Variants in CASR observed in about 807,000 individuals in gnomAD.
CASR encodes the protein extracellular calcium-sensing receptor.
CASR carries 23 observed loss-of-function variants against 69.1 expected under a neutral mutation model. That is an observed-to-expected ratio of 0.33 (90% CI 0.24 to 0.47). CASR has a LOEUF of 0.47. Ranked by LOEUF, CASR falls within the 20% of genes least tolerant of loss-of-function variation. The pLI is 1.00. For synonymous variants in CASR, 541 were observed against 544.7 expected (o/e 0.99, Z 0.10); for missense variants, 924 against 1,356.1 (o/e 0.68, Z 5.00).
intron 1 of CASR, among the ~76,000 whole-genome samples, chr3:122,228,885 C>A (rs547641436): frequency 6.6e-6 from 1 of 152,188 alleles, no homozygotes; most frequent in Non-Finnish European, 1.5e-5. Context: ...GACACCTGAC[C>A]CTCTCCTTTG....
At chr3:122,224,776 T>C (rs2074206565) in intron 1 of CASR, among the ~76,000 whole-genome samples, 1 of 152,094 alleles carries the variant, frequency 6.6e-6, no homozygotes, top group Non-Finnish European at 1.5e-5. Flanking sequence ...GGCATCACAC[T>C]CCCTGACTTC....
rs1386553525 is a variant in CASR, at chr3:122,262,181, C to G, written c.1146C>G (p.Asp382Glu). ...TGAGAGGTCACGAAGAAAGTGGCGA[C>G]AGGTTTAGCAACAGCTCGACAGCCT... ...TFLRGHEESG[D>E]RFSNSSTAFR... Residue 382 changes from aspartate to glutamate, a missense_variant, in exon 4 of 7, where the codon GAC becomes GAG. This residue lies in a region of CASR where 310 missense variants were observed against 395.7 expected (regional missense o/e 0.78). Transcript: ENST00000639785. 6 of 1,614,090 alleles carry G rather than the reference C, an allele frequency of 3.7e-6. No individual in the cohort carries two copies. Among genetic ancestry groups the G allele is most frequent in the African/African-American group, 2.7e-5 (2 of 74,924 alleles).
chr3:122,190,662 A>G (rs1440448081), intron 1 of CASR, among the ~76,000 whole-genome samples: 1 of 152,252 alleles, frequency 6.6e-6, no homozygotes, highest in Non-Finnish European at 1.5e-5. Flanking sequence ...AGAATCCATC[A>G]TAGTGCCTGG....
chr3:122,194,815 A>G (rs1215984016), intron 1 of CASR, among the ~76,000 whole-genome samples: 1 of 152,272 alleles, frequency 6.6e-6, no homozygotes, highest in East Asian at 1.9e-4. Context: ...AGTATATGCC[A>G]AGAGTCCTTG....
At chr3:122,189,259 G>T (rs776507611) in intron 1 of CASR, among the ~76,000 whole-genome samples, 38 of 152,194 alleles carry the variant, frequency 2.5e-4, no homozygotes, top group Non-Finnish European at 4.9e-4. Flanking sequence ...ACCTTCCTTT[G>T]AGATCTGTGA....
rs2074932631 is a variant in CASR, at chr3:122,284,112, G to A, written c.2158G>A (p.Gly720Arg). The A allele has an allele frequency of 1.2e-6, 2 of 1,614,070 alleles. No individual in the cohort carries two copies. Among genetic ancestry groups the A allele is most frequent in the East Asian group, 2.2e-5 (1 of 44,876 alleles). The change falls in exon 7 of 7, where the codon GGG (glycine) becomes AGG (arginine). Residue 720 changes from glycine to arginine, a missense_variant. Physicochemically the swap from Gly to Arg is moderately radical, Grantham distance 125. Transcript: ENST00000639785. ...CACCAGCTTCCACCGCAAGTGGTGG[G>A]GGCTCAACCTGCAGTTCCTGCTGGT... ...IPTSFHRKWW[G>R]LNLQFLLVFL... is the part of the protein sequence containing the mutation.
intron 6 of CASR, 90 bp downstream of exon 6, chr3:122,282,326 T>C: frequency 7.7e-7 from 1 of 1,295,978 alleles, no homozygotes; most frequent in Non-Finnish European, 1.1e-6. Context: ...TGGGCTGAGA[T>C]GGTGCTTTGC....
chr3:122,235,825 T>C (rs2074324751), intron 1 of CASR, among the ~76,000 whole-genome samples: 1 of 152,208 alleles, frequency 6.6e-6, no homozygotes, highest in Non-Finnish European at 1.5e-5. Context: ...TAAAATTACA[T>C]TTAAACAATC....
chr3:122,200,469 G>C (rs911026615), intron 1 of CASR, among the ~76,000 whole-genome samples: 15 of 151,988 alleles, frequency 9.9e-5, no homozygotes, highest in African/African-American at 3.6e-4. Flanking sequence ...GCATTGTTTT[G>C]AGTTTTGTAC....
chr3:122,209,867 C>T (rs1412651594), intron 1 of CASR, among the ~76,000 whole-genome samples: 3 of 152,178 alleles, frequency 2.0e-5, no homozygotes, highest in African/African-American at 7.2e-5. Context: ...AAGCCAGCAG[C>T]ACATCAAAAA....
At position 122,228,836 on chromosome 3, in the gene CASR, A is replaced by G. The variant is rs187527089; in HGVS notation, c.-242-25112A>G. 3.7e-3 allele frequency among the ~76,000 whole-genome samples: 559 copies of G among 152,278 alleles called. 9 individuals are homozygous for G. The highest frequency in any genetic ancestry group is 3.2e-3 in the Non-Finnish European group (218 of 68,024). On this transcript the variant is annotated intron_variant, in intron 1 of 6. Coordinates refer to ENST00000639785, the MANE Select transcript of CASR (RefSeq NM_000388.4). ...AAGGGCCCAGAACCACCGCTGTGCC[A>G]CTACCCCTGAGACTCCACCATCCTC...
chr3:122,252,445 GAAAAA>G lies in CASR; in HGVS notation c.-242-1499_-242-1495del, dbSNP rs373304569. Among the ~76,000 whole-genome samples the G allele has an allele frequency of 1.1e-3, 74 of 67,754 alleles. No homozygotes were observed. In the Middle Eastern group the frequency reaches 0.026, roughly 24 times the overall value. The allele number at this position is 67,754 out of a possible 152,430, so 44.4% of individuals were successfully genotyped here. A position where few individuals can be genotyped will look rare whatever the true frequency, so the allele number is the denominator to read the frequency against. ...AGAAAGAAAGAAAGAAAGAAAGAAA[GAAAAA>G]AAAGAAAAGAAAGAAAAGAAAAGAA... On this transcript the variant is annotated intron_variant, in intron 1 of 6. Coordinates refer to ENST00000639785, the MANE Select transcript of CASR (RefSeq NM_000388.4).
intron 1 of CASR, among the ~76,000 whole-genome samples, chr3:122,210,517 A>G (rs1365124556): frequency 6.6e-6 from 1 of 152,188 alleles, no homozygotes; most frequent in Non-Finnish European, 1.5e-5. Flanking sequence ...AATACCTAGG[A>G]ATATAGCTAA....
chr3:122,218,083 T>G (rs1167573247), intron 1 of CASR, among the ~76,000 whole-genome samples: 1 of 151,916 alleles, frequency 6.6e-6, no homozygotes, highest in Admixed American at 6.6e-5. Context: ...TGAACAGGTT[T>G]CTGTATTCAA....
At chr3:122,255,164 C>T (rs1035537150) in intron 2 of CASR, among the ~76,000 whole-genome samples, 6 of 152,158 alleles carry the variant, frequency 3.9e-5, no homozygotes, top group Non-Finnish European at 7.3e-5. Flanking sequence ...TAATTTACTG[C>T]GACCCTTTTA....
chr3:122,285,032 C>T lies in CASR; in HGVS notation c.3078C>T (p.Thr1026=). The part of the protein sequence containing the change: ...LQCGETDLDL[T]VQETGLQGPV... ...GCGGGGAAACGGACTTAGATCTGAC[C>T]GTCCAGGAAACAGGTCTGCAAGGAC... is the stretch of plus-strand genomic sequence containing the variant. The change falls in exon 7 of 7, where the codon ACC becomes ACT. Residue 1026 remains threonine (T), a synonymous_variant. Transcript: ENST00000639785. 1 of 1,614,192 alleles carries T rather than the reference C, an allele frequency of 6.2e-7. No individual in the cohort carries two copies. The highest frequency in any genetic ancestry group is 8.5e-7 in the Non-Finnish European group (1 of 1,180,040).
chr3:122,202,733 TAAG>T (rs1387426096), intron 1 of CASR, among the ~76,000 whole-genome samples: 1 of 152,244 alleles, frequency 6.6e-6, no homozygotes, highest in African/African-American at 2.4e-5. Flanking sequence ...AAACCTTTCT[TAAG>T]AATAGTTATA....
intron 1 of CASR, among the ~76,000 whole-genome samples, chr3:122,194,162 T>C (rs1045969614): frequency 6.6e-6 from 1 of 152,162 alleles, no homozygotes; most frequent in Non-Finnish European, 1.5e-5. Context: ...TGGAACCCCC[T>C]ATCTCCTTAT....
intron 4 of CASR, among the ~76,000 whole-genome samples, chr3:122,264,441 A>T (rs2074663655): frequency 6.6e-6 from 1 of 152,212 alleles, no homozygotes; most frequent in Non-Finnish European, 1.5e-5. Context: ...AGTCCTCCAG[A>T]CTACATAGAC....
Sources: gnomAD v4.1 joint callset for allele counts (sites outside exome capture counted in the v4.1 genomes callset) on GRCh38, gnomAD v4.1.1 for gene constraint, gnomAD v4.1.1 regional missense constraint, MANE v1.5 for transcripts, NCBI Gene and HGNC (gene_info 2026-07-23, HGNC 2026-07-21) for gene names.